CYTH4: variants seen among roughly 807,000 people sequenced by gnomAD.
CYTH4 encodes cytohesin-4.
In CYTH4, 22 loss-of-function variants were observed where a neutral mutation model predicts 57.5. The observed-to-expected ratio is 0.38, with a 90% CI of 0.27 to 0.55. CYTH4 has a LOEUF of 0.55. Among genes scored for constraint, CYTH4 ranks in the 20% least tolerant of loss-of-function variants. The pLI, the probability that CYTH4 is intolerant of heterozygous loss-of-function variation, is 0.74. For synonymous variants in CYTH4, 186 were observed against 206.5 expected, an observed-to-expected ratio of 0.90 and a Z score of 0.85; for missense variants, 420 against 535.6, an observed-to-expected ratio of 0.78 and a Z score of 2.13.
chr22:37,291,004 T>G (rs1928730561), intron 1 of CYTH4, among the ~76,000 whole-genome samples: 1 of 152,160 alleles, frequency 6.6e-6, no homozygotes, highest in South Asian at 2.1e-4. Context: ...ATTGCACACA[T>G]GTGGGACTCA....
chr22:37,297,061 T>G (rs1253307358), intron 4 of CYTH4, among the ~76,000 whole-genome samples: 1 of 152,176 alleles, frequency 6.6e-6, no homozygotes, highest in Admixed American at 6.5e-5. Flanking sequence ...GGAAGGAAGG[T>G]CACCACGATG....
intron 4 of CYTH4, among the ~76,000 whole-genome samples, chr22:37,297,149 A>G (rs1239086712): frequency 6.6e-6 from 1 of 152,162 alleles, no homozygotes; most frequent in Non-Finnish European, 1.5e-5. Context: ...TAACTTTTAT[A>G]CAATAGACAT....
intron 8 of CYTH4, 70 bp downstream of exon 8, chr22:37,303,472 C>A: frequency 6.6e-7 from 1 of 1,524,724 alleles, no homozygotes; most frequent in Admixed American, 2.2e-5. Context: ...AGATGGATGG[C>A]CCGGGAGGGG....
rs892154045 is a variant in CYTH4 at position 37,285,561 on chromosome 22, A to G, written c.19+2973A>G. On this transcript the variant is annotated intron_variant, in intron 1 of 12. Transcript: ENST00000248901. ...GTCTCTACTAAAAATACAAAAAAAA[A>G]TTAGCCGGGCCTGGTGGTGGGCGCC... 9.9e-5 allele frequency among the ~76,000 whole-genome samples: 15 copies of G among 151,970 alleles called. 1 individual carries two copies. Among genetic ancestry groups the G allele is most frequent in the Admixed American group, 9.8e-4 (15 of 15,248 alleles).
At chr22:37,284,361 C>T (rs1601693897) in intron 1 of CYTH4, among the ~76,000 whole-genome samples, 1 of 152,108 alleles carries the variant, frequency 6.6e-6, no homozygotes, top group South Asian at 2.1e-4. Flanking sequence ...GAGGCAGGAG[C>T]CACATCCTGC....
intron 1 of CYTH4, among the ~76,000 whole-genome samples, chr22:37,285,584 G>A (rs555070020): frequency 6.6e-5 from 10 of 152,004 alleles, no homozygotes; most frequent in East Asian, 3.9e-4. Context: ...GGTGGTGGGC[G>A]CCTGTAATCC....
At chr22:37,285,938 G>A (rs1928541576) in intron 1 of CYTH4, among the ~76,000 whole-genome samples, 2 of 152,134 alleles carry the variant, frequency 1.3e-5, no homozygotes, top group African/African-American at 4.8e-5. Flanking sequence ...GTCAGAAGGG[G>A]ACAGGGGACT....
intron 1 of CYTH4, among the ~76,000 whole-genome samples, chr22:37,284,944 C>A (rs1282738982): frequency 8.0e-6 from 1 of 125,270 alleles, no homozygotes. Context: ...TCGGCTGGGG[C>A]GGTGGGGGGG....
rs1929095648 is a variant in CYTH4, at chr22:37,299,319, G to C, written c.434+13G>C. ...TCCAGGCCCTCAGGTGAGTAGTCCT[G>C]GGGCAGGGTCCCGGCCCTCAAGGGT... On this transcript the variant is annotated intron_variant, in intron 6 of 12. Coordinates refer to ENST00000248901, the MANE Select transcript of CYTH4 (RefSeq NM_013385.5). 2 of 1,613,196 alleles carry C rather than the reference G, an allele frequency of 1.2e-6. No homozygotes were observed. The highest frequency in any genetic ancestry group is 1.7e-6 in the Non-Finnish European group (2 of 1,179,410).
At chr22:37,303,507 G>T in intron 8 of CYTH4, 105 bp downstream of exon 8, 1 of 1,422,012 alleles carries the variant, frequency 7.0e-7, no homozygotes, top group Non-Finnish European at 9.3e-7. Flanking sequence ...ACAGCCCCCA[G>T]TGGGGACTCT....
At chr22:37,309,172 G>A (rs750004287) in intron 8 of CYTH4, 40 bp from the exon 9 acceptor site, 4 of 1,597,076 alleles carry the variant, frequency 2.5e-6, no homozygotes, top group African/African-American at 1.3e-5. Context: ...GACTCGGGTG[G>A]ACTCACAGCC....
intron 1 of CYTH4, among the ~76,000 whole-genome samples, chr22:37,284,420 G>A (rs1928475764): frequency 6.6e-6 from 1 of 152,208 alleles, no homozygotes; most frequent in South Asian, 2.1e-4. Context: ...CAGATGGGAG[G>A]AAGCAACTTT....
At chr22:37,304,354 C>T (rs1929319056) in intron 8 of CYTH4, 2 of 440,920 alleles carry the variant, frequency 4.5e-6, no homozygotes, top group Non-Finnish European at 9.2e-6. Flanking sequence ...CCAATGACAG[C>T]CTCAGGAGTT....
chr22:37,311,560 G>A lies in CYTH4; in HGVS notation c.957+33G>A, dbSNP rs970888416. On this transcript the variant is annotated intron_variant, in intron 11 of 12. Transcript: ENST00000248901. This position sits in a 1 kb window ranked among gnomAD's most constrained non-coding sequence, Gnocchi z 4.4. ...TTCAGGTTGCAGGATCCCGAGGCTG[G>A]AGCCACTGGGAAATTTCCTAAACAG... The A allele has an allele frequency of 1.2e-6, 2 of 1,604,856 alleles. No homozygotes were observed. Among genetic ancestry groups the A allele is most frequent in the African/African-American group, 1.3e-5 (1 of 74,756 alleles).
At position 37,312,091 on chromosome 22, in the gene CYTH4, C is replaced by T. The variant is rs1325334558; in HGVS notation, c.1029C>T (p.Gly343=). 1 of 1,614,082 alleles carries T rather than the reference C, an allele frequency of 6.2e-7. No individual in the cohort carries two copies. The highest frequency in any genetic ancestry group is 8.5e-7 in the Non-Finnish European group (1 of 1,180,042). ...AGGCCTGCAAGACCGATGGCGACGGCAGGGTGGTGGAGGGCAAGCACGAAT... is the reference window on the plus strand; with the variant it reads ...AGGCCTGCAAGACCGATGGCGACGGTAGGGTGGTGGAGGGCAAGCACGAAT... ...KIKACKTDGD[G]RVVEGKHESY... The change falls in exon 12 of 13, where the codon GGC becomes GGT. Residue 343 remains glycine (G), a synonymous_variant. Coordinates refer to ENST00000248901, the MANE Select transcript of CYTH4 (RefSeq NM_013385.5).
chr22:37,292,135 G>C (rs1420673445), intron 1 of CYTH4: 1 of 153,672 alleles, frequency 6.5e-6, no homozygotes, highest in African/African-American at 2.4e-5. Flanking sequence ...GGGATGTGAG[G>C]AAAATGGTAT....
At chr22:37,285,368 GGTGGTA>G (rs1368378002) in intron 1 of CYTH4, among the ~76,000 whole-genome samples, 1 of 151,834 alleles carries the variant, frequency 6.6e-6, no homozygotes, top group African/African-American at 2.4e-5. Flanking sequence ...TGGTGGTGGT[GGTGGTA>G]ATTTTATTAT....
chr22:37,296,633 CAG>C (rs1460348583), intron 4 of CYTH4: 3 of 155,880 alleles, frequency 1.9e-5, no homozygotes, highest in African/African-American at 7.2e-5. Flanking sequence ...AGGTGGCCAG[CAG>C]AGAGCACCAA....
At chr22:37,296,809 C>G (rs192930102) in intron 4 of CYTH4, among the ~76,000 whole-genome samples, 2,452 of 152,262 alleles carry the variant, frequency 0.016, 31 homozygotes, top group African/African-American at 0.018. Flanking sequence ...CACCCAGCAC[C>G]CAGGGGTGTC....
Sources: allele counts gnomAD v4.1 joint callset (sites outside exome capture counted in the v4.1 genomes callset), GRCh38; gene constraint gnomAD v4.1.1; non-coding constraint Gnocchi (gnomAD v3.1); transcripts MANE v1.5; gene names NCBI Gene and HGNC (gene_info 2026-07-23, HGNC 2026-07-21).